DNAH11: variants seen among roughly 807,000 people sequenced by gnomAD.
DNAH11 encodes the protein dynein axonemal heavy chain 11.
Under a neutral mutation model 526.0 loss-of-function variants are expected in DNAH11, and 442 were observed. The observed-to-expected ratio is 0.84, with a 90% CI of 0.78 to 0.91. The LOEUF is 0.91. Among genes scored for constraint, DNAH11 ranks in the 40% least tolerant of loss-of-function variants. The pLI is 0.00. For synonymous variants in DNAH11, 2,461 were observed against 1,935.9 expected (o/e 1.27, Z -7.12); for missense variants, 6,989 against 5,448.7 (o/e 1.28, Z -8.90).
chr7:21,898,277 T>A (rs921677887), intron 79 of DNAH11, among the ~76,000 whole-genome samples: 3 of 152,214 alleles, frequency 2.0e-5, no homozygotes, highest in African/African-American at 7.2e-5. Context: ...CGAGTATGCT[T>A]TTTCGGATCC....
rs1254000408 is a variant in DNAH11, at chr7:21,786,780, C to A, written c.9741+13C>A. 1 of 1,613,194 alleles carries A rather than the reference C, an allele frequency of 6.2e-7. No individual in the cohort carries two copies. Among genetic ancestry groups the A allele is most frequent in the African/African-American group, 1.3e-5 (1 of 75,024 alleles). On this transcript the variant is annotated intron_variant, in intron 59 of 81. Coordinates refer to ENST00000409508, the MANE Select transcript of DNAH11 (RefSeq NM_001277115.2). ...CTTCATGGGAAAGGTATCAGCCCAG[C>A]CTGGCAAGATGAAAATCCTGATAAT...
In DNAH11 at chr7:21,899,377, G is replaced by A. The variant is rs1562611868; in HGVS notation, c.13091G>A (p.Trp4364Ter). 10 of 1,613,842 alleles carry A rather than the reference G, an allele frequency of 6.2e-6. No individual in the cohort carries two copies. The highest frequency in any genetic ancestry group is 1.3e-5 in the African/African-American group (1 of 74,906). ...CTGCGATGCCGAGAACTCGATACTT[G>A]GACACAAGACCTTACCCTTCCGGCT... ...LLLRCRELDT[W>*]TQDLTLPAVV... is the part of the protein sequence containing the mutation. The change falls in exon 80 of 82, where the codon TGG (tryptophan) becomes TAG (stop). Residue 4364 changes from tryptophan (W) to a stop codon, truncating the protein, a stop_gained. Coordinates refer to ENST00000409508, the MANE Select transcript of DNAH11 (RefSeq NM_001277115.2). LOFTEE classifies it high-confidence loss of function.
chr7:21,788,765 T>C (rs1006795169), intron 60 of DNAH11, among the ~76,000 whole-genome samples: 5 of 152,230 alleles, frequency 3.3e-5, no homozygotes, highest in African/African-American at 1.2e-4. Context: ...CCAGACATGA[T>C]CTCAGCATTG....
intron 25 of DNAH11, among the ~76,000 whole-genome samples, chr7:21,633,628 C>A (rs191602262): frequency 2.6e-5 from 4 of 152,146 alleles, no homozygotes; most frequent in East Asian, 3.9e-4. Context: ...AGGTATGATA[C>A]CATTTGTGAT....
In DNAH11 at chr7:21,735,665, C is replaced by G; in HGVS notation, c.7466C>G (p.Thr2489Arg). ...ACAGTTCTCGTTCACACAACAGAGACAGCTCGTCTTAGATATTTCATGGAG... is the reference window on the plus strand; with the variant it reads ...ACAGTTCTCGTTCACACAACAGAGAGAGCTCGTCTTAGATATTTCATGGAG... ...LQTVLVHTTE[T>R]ARLRYFMELL... The change falls in exon 46 of 82, where the codon ACA becomes AGA. Residue 2489 changes from threonine (T) to arginine (R), a missense_variant. Coordinates refer to ENST00000409508, the MANE Select transcript of DNAH11 (RefSeq NM_001277115.2). 1 of 1,601,608 alleles carries G rather than the reference C, an allele frequency of 6.2e-7. No homozygotes were observed. The highest frequency in any genetic ancestry group is 8.5e-7 in the Non-Finnish European group (1 of 1,173,060).
chr7:21,676,719 A>G (rs35461356), intron 30 of DNAH11, among the ~76,000 whole-genome samples: 7,586 of 152,278 alleles, frequency 0.05, 249 homozygotes, highest in Non-Finnish European at 0.077. Flanking sequence ...ACAATTATAC[A>G]TGTTCTTATA....
In DNAH11 at chr7:21,726,418, T is replaced by C. The variant is rs868608055; in HGVS notation, c.7440+434T>C. On this transcript the variant is annotated intron_variant, in intron 45 of 81. Transcript: ENST00000409508. ...GGTGGGGTCATAGATCCAAACCATA[T>C]CACCGATATTCAAGTGAAGTGTGCT... Among the ~76,000 whole-genome samples, 87 of 152,056 alleles carry C rather than the reference T, an allele frequency of 5.7e-4. No homozygotes were observed. The Middle Eastern group carries it at 0.014, about 24-fold the overall frequency.
At chr7:21,618,578 G>A in intron 23 of DNAH11, 1 of 160,362 alleles carries the variant, frequency 6.2e-6, no homozygotes, top group Non-Finnish European at 1.3e-5. Context: ...GTGGAAATGA[G>A]AATTATTTTT....
chr7:21,717,853 C>A lies in DNAH11; in HGVS notation c.7062C>A (p.Val2354=), dbSNP rs1242211350. 20 of 1,613,686 alleles carry A rather than the reference C, an allele frequency of 1.2e-5. No homozygotes were observed. The highest frequency in any genetic ancestry group is 2.2e-5 in the East Asian group (1 of 44,894). ...TGACTATTCTTTTTGATAAATATGT[C>A]CCTGCATGCTTGGATAAACTGAGAA... is the stretch of plus-strand genomic sequence containing the variant. ...ANLTILFDKY[V]PACLDKLRTS... is the part of the protein sequence containing the mutation. Residue 2354 remains valine (V), a synonymous_variant, in exon 43 of 82, where the codon GTC becomes GTA. Transcript: ENST00000409508.
intron 8 of DNAH11, among the ~76,000 whole-genome samples, chr7:21,576,934 GTATC>G (rs1227792004): frequency 6.6e-6 from 1 of 152,002 alleles, no homozygotes; most frequent in Non-Finnish European, 1.5e-5. Context: ...TAAAATAACA[GTATC>G]TGAGAAAAAC....
chr7:21,566,455 A>G (rs1334212137), intron 6 of DNAH11, among the ~76,000 whole-genome samples: 2 of 152,108 alleles, frequency 1.3e-5, no homozygotes, highest in South Asian at 2.1e-4. Flanking sequence ...CCTGCCACCA[A>G]TTTTACTACT....
intron 29 of DNAH11, among the ~76,000 whole-genome samples, chr7:21,657,261 A>G (rs375437409): frequency 2.2e-4 from 33 of 152,302 alleles, no homozygotes; most frequent in East Asian, 1.7e-3. Flanking sequence ...AATACCTACT[A>G]TGCATCAGAT....
intron 25 of DNAH11, among the ~76,000 whole-genome samples, chr7:21,622,498 C>G (rs959083084): frequency 2.0e-4 from 30 of 152,170 alleles, no homozygotes; most frequent in East Asian, 1.5e-3. Context: ...CCAAAAAAGA[C>G]CCCGCATTGC....
At chr7:21,873,952 G>A (rs1024658946) in intron 74 of DNAH11, among the ~76,000 whole-genome samples, 18 of 151,676 alleles carry the variant, frequency 1.2e-4, no homozygotes, top group Admixed American at 4.6e-4. Context: ...CACCACGCCC[G>A]GCTAATTTTT....
chr7:21,883,358 A>T (rs1304986551), intron 75 of DNAH11, among the ~76,000 whole-genome samples: 2 of 152,234 alleles, frequency 1.3e-5, no homozygotes, highest in African/African-American at 4.8e-5. Context: ...TAGCAAAGAG[A>T]GGCTTCAAAC....
chr7:21,584,645 C>A (rs887555965), intron 9 of DNAH11, among the ~76,000 whole-genome samples: 2 of 152,084 alleles, frequency 1.3e-5, no homozygotes, highest in African/African-American at 4.8e-5. Context: ...CAGGTGCCAG[C>A]CATCAGCCGA....
intron 63 of DNAH11, among the ~76,000 whole-genome samples, chr7:21,809,708 C>T (rs1351736194): frequency 2.0e-5 from 3 of 151,834 alleles, no homozygotes; most frequent in Non-Finnish European, 4.4e-5. Context: ...GGATTACAGG[C>T]ACCCGCCACC....
At chr7:21,708,205 G>A (rs1008993219) in intron 40 of DNAH11, among the ~76,000 whole-genome samples, 9 of 152,128 alleles carry the variant, frequency 5.9e-5, no homozygotes, top group African/African-American at 2.2e-4. Context: ...AAGTCAGTAG[G>A]GCATGTTGCC....
intron 55 of DNAH11, among the ~76,000 whole-genome samples, chr7:21,770,518 G>A (rs998565303): frequency 5.9e-5 from 9 of 152,106 alleles, no homozygotes; most frequent in African/African-American, 2.2e-4. Context: ...CTGTGAATTT[G>A]CACTGCTTAC....
Sources: gnomAD v4.1 joint callset for allele counts (sites outside exome capture counted in the v4.1 genomes callset) on GRCh38, gnomAD v4.1.1 for gene constraint, MANE v1.5 for transcripts, NCBI Gene and HGNC (gene_info 2026-07-23, HGNC 2026-07-21) for gene names.